The following CACNA2D4 variants were observed in gnomAD, a reference collection of about 807,000 sequenced individuals.
The protein encoded by CACNA2D4 is calcium voltage-gated channel auxiliary subunit alpha2delta 4, also known as voltage-dependent calcium channel subunit alpha-2/delta-4.
CACNA2D4 carries 157 observed loss-of-function variants against 163.8 expected under a neutral mutation model. The ratio of observed to expected loss-of-function variants is 0.96; its 90% CI spans 0.84 to 1.09. The LOEUF (loss-of-function observed/expected upper bound fraction) is 1.09. Ranked by LOEUF, CACNA2D4 falls within the 50% of genes least tolerant of loss-of-function variation. CACNA2D4 has a pLI of 0.00. For missense variants in CACNA2D4, 1,410 were observed against 1,479.9 expected (o/e 0.95, Z 0.78); for synonymous variants, 598 against 586.9 (o/e 1.02, Z -0.27).
At position 1,908,055 on chromosome 12, in the gene CACNA2D4, G is replaced by A; in HGVS notation, c.487-18C>T. 1 of 1,597,770 alleles carries A rather than the reference G, an allele frequency of 6.3e-7. No individual in the cohort carries two copies. On this transcript the variant is annotated intron_variant, in intron 4 of 37. Coordinates refer to ENST00000382722, the MANE Select transcript of CACNA2D4 (RefSeq NM_172364.5). ...TAGTCGAACTGGGGTGGACGGGTGA[G>A]GCCCACGGAGGCGGCCCGAGCACCG...
intron 26 of CACNA2D4, 79 bp downstream of exon 26, chr12:1,840,660 G>T (rs564347831): frequency 1.7e-6 from 2 of 1,194,704 alleles, no homozygotes; most frequent in African/African-American, 1.5e-5. Flanking sequence ...CATGTGCAGG[G>T]CCTTCTGCTG....
chr12:1,808,695 C>G (rs547008594), intron 29 of CACNA2D4, among the ~76,000 whole-genome samples: 1 of 152,356 alleles, frequency 6.6e-6, no homozygotes, highest in African/African-American at 2.4e-5. Context: ...CCCTTGAAAG[C>G]CAACACCACG....
rs1019395285 is a variant in CACNA2D4 at position 1,878,228 on chromosome 12, T to C, written c.1719+87A>G. 3.5e-6 allele frequency: 5 copies of C among 1,426,494 alleles called. No homozygotes were observed. Among genetic ancestry groups the C allele is most frequent in the Admixed American group, 3.9e-5 (2 of 50,844 alleles). 88.4% of individuals were successfully genotyped at this position (1,426,494 alleles called of 1,614,324 possible). A position where few individuals can be genotyped will look rare whatever the true frequency, so the allele number is the denominator to read the frequency against. ...CACTGGGTTCCTAAATGGAGCCCAA[T>C]GTGTGTTTGTTGTTTTAATCGTTTT... On this transcript the variant is annotated intron_variant, in intron 16 of 37. Transcript: ENST00000382722. This position sits in a 1 kb window ranked among gnomAD's most constrained non-coding sequence, Gnocchi z 4.6.
At chr12:1,831,113 C>T in intron 26 of CACNA2D4, 2 of 1,614,020 alleles carry the variant, frequency 1.2e-6, no homozygotes, top group Non-Finnish European at 1.7e-6. Flanking sequence ...AGCTGAGTGC[C>T]CTGCCAAGCT....
In CACNA2D4 at chr12:1,875,690, C is replaced by A. The variant is rs2154449298; in HGVS notation, c.1720-353G>T. Among the ~76,000 whole-genome samples the A allele has an allele frequency of 6.6e-6, 1 of 152,320 alleles. No homozygotes were observed. The highest frequency in any genetic ancestry group is 1.9e-4 in the East Asian group (1 of 5,192). ...CTGTTACTTCCATCCACTGATCTTC[C>A]TTCTTTCCCCTGGAGCTGCATAGAA... On this transcript the variant is annotated intron_variant, in intron 16 of 37. Transcript: ENST00000382722. This position sits in a 1 kb window ranked among gnomAD's most constrained non-coding sequence, Gnocchi z 4.0.
rs368605512 is a variant in CACNA2D4 at position 1,901,729 on chromosome 12, C to T, written c.781+5711G>A. 1.6e-3 allele frequency among the ~76,000 whole-genome samples: 240 copies of T among 152,166 alleles called. 1 individual carries two copies. Among genetic ancestry groups the T allele is most frequent in the African/African-American group, 5.1e-3 (211 of 41,550 alleles). On this transcript the variant is annotated intron_variant, in intron 6 of 37. Transcript: ENST00000382722. ...CTCTCAGCAAAGAAAAGGCTGGGAC[C>T]TGACGGCTTCAGAATTGCTGAATTT...
chr12:1,872,080 G>A (rs1865799058), intron 18 of CACNA2D4, among the ~76,000 whole-genome samples: 1 of 152,196 alleles, frequency 6.6e-6, no homozygotes, highest in Admixed American at 6.5e-5. Flanking sequence ...AGTGGCAAAT[G>A]GGAGGCCCGC....
chr12:1,831,289 T>C, intron 26 of CACNA2D4: 1 of 1,613,752 alleles, frequency 6.2e-7, no homozygotes, highest in Non-Finnish European at 8.5e-7. Flanking sequence ...CACTCGCCGC[T>C]GCTCCGCCAC....
intron 31 of CACNA2D4, 52 bp from the exon 32 acceptor site, chr12:1,800,490 G>GCC (rs111637110): frequency 1.5e-4 from 214 of 1,381,958 alleles, no homozygotes; most frequent in East Asian, 7.0e-4. Flanking sequence ...GGGTGAGGGT[G>GCC]CCCCCCCCCC....
In CACNA2D4 at chr12:1,908,048, C is replaced by T; in HGVS notation, c.487-11G>A. 5 of 1,602,946 alleles carry T rather than the reference C, an allele frequency of 3.1e-6. No individual in the cohort carries two copies. The highest frequency in any genetic ancestry group is 3.4e-6 in the Non-Finnish European group (4 of 1,172,022). On this transcript the variant is annotated splice_polypyrimidine_tract_variant and intron_variant, in intron 4 of 37. Transcript: ENST00000382722. The stretch of plus-strand genomic sequence containing the variant: ...GTTGTAATAGTCGAACTGGGGTGGA[C>T]GGGTGAGGCCCACGGAGGCGGCCCG...
chr12:1,871,596 G>A (rs1252825282), intron 18 of CACNA2D4, among the ~76,000 whole-genome samples: 1 of 151,230 alleles, frequency 6.6e-6, no homozygotes, highest in South Asian at 2.1e-4. Context: ...GTGTATGTGT[G>A]TACACATGTA....
intron 6 of CACNA2D4, among the ~76,000 whole-genome samples, chr12:1,897,595 G>C (rs1421289079): frequency 6.6e-6 from 1 of 152,108 alleles, no homozygotes; most frequent in Non-Finnish European, 1.5e-5. Context: ...TTGCTAACTA[G>C]TAAAAGAGAT....
rs116572063 is a variant in CACNA2D4 at position 1,914,977 on chromosome 12, C to T, written c.228-42G>A. 3.1e-3 allele frequency: 4,327 copies of T among 1,415,786 alleles called. 86 individuals carry two copies. The African/African-American group carries it at 0.052, about 17-fold the overall frequency. 87.7% of individuals were successfully genotyped at this position (1,415,786 alleles called of 1,614,324 possible). On this transcript the variant is annotated intron_variant, in intron 1 of 37. Transcript: ENST00000382722. ...GGACACGCGTATACACACACGTACACGCACAAATACAGAAACACACGCGTA... is the reference window on the plus strand; with the variant it reads ...GGACACGCGTATACACACACGTACATGCACAAATACAGAAACACACGCGTA...
rs1268751795 is a variant in CACNA2D4, at chr12:1,800,078, G to A, written c.2922-26C>T. 2.5e-6 allele frequency: 4 copies of A among 1,581,106 alleles called. No homozygotes were observed. In the South Asian group the frequency reaches 4.6e-5, roughly 18 times the overall value. On this transcript the variant is annotated intron_variant, in intron 32 of 37. Coordinates refer to ENST00000382722, the MANE Select transcript of CACNA2D4 (RefSeq NM_172364.5). ...CTGTCAGACACAGGACTGAATCTCG[G>A]AGACCTCTGAGCCCTCCCGACTTGG...
chr12:1,895,827 AG>A (rs1323824752), intron 6 of CACNA2D4, among the ~76,000 whole-genome samples: 1 of 151,980 alleles, frequency 6.6e-6, no homozygotes, highest in Non-Finnish European at 1.5e-5. Flanking sequence ...TTGTAGAGAT[AG>A]GGGTCTCACT....
At chr12:1,859,187 A>AT (rs567158480) in intron 19 of CACNA2D4, among the ~76,000 whole-genome samples, 18 of 150,910 alleles carry the variant, frequency 1.2e-4, no homozygotes, top group African/African-American at 4.1e-4. Flanking sequence ...CAGCTCTAAA[A>AT]TTTTTTTTTT....
chr12:1,908,920 T>C (rs908265130), intron 4 of CACNA2D4, among the ~76,000 whole-genome samples: 3 of 145,052 alleles, frequency 2.1e-5, no homozygotes, highest in Admixed American at 1.4e-4. Flanking sequence ...CCACGCCAGG[T>C]TCCTGCACCC....
intron 26 of CACNA2D4, 119 bp downstream of exon 26, chr12:1,840,620 A>C: frequency 2.6e-6 from 2 of 758,552 alleles, no homozygotes; most frequent in Non-Finnish European, 2.2e-6. Flanking sequence ...CCCATCCCAC[A>C]TTCCACCGGC....
intron 31 of CACNA2D4, 160 bp from the exon 32 acceptor site, chr12:1,800,598 C>T (rs1216098358): frequency 3.3e-5 from 22 of 666,234 alleles, no homozygotes; most frequent in East Asian, 8.2e-5. Flanking sequence ...CACCCCCCAT[C>T]CCCCCACCTC....
Sources: allele counts gnomAD v4.1 joint callset (sites outside exome capture counted in the v4.1 genomes callset), GRCh38; gene constraint gnomAD v4.1.1; non-coding constraint Gnocchi (gnomAD v3.1); transcripts MANE v1.5; gene names NCBI Gene and HGNC (gene_info 2026-07-23, HGNC 2026-07-21).